Variants in ITGA9 observed in about 807,000 individuals in gnomAD.
The protein encoded by ITGA9 is integrin alpha-9.
ITGA9 carries 56 observed loss-of-function variants against 127.8 expected under a neutral mutation model. That is an observed-to-expected ratio of 0.44 (90% CI 0.35 to 0.55). The LOEUF is 0.55. Ranked by LOEUF, ITGA9 falls within the 20% of genes least tolerant of loss-of-function variation. The probability of loss-of-function intolerance (pLI) is 0.00; values close to 1 mark genes in which losing one functional copy is unlikely to be tolerated. For missense variants in ITGA9, 1,196 were observed against 1,347.1 expected (o/e 0.89, Z 1.76); for synonymous variants, 508 against 514.5 (o/e 0.99, Z 0.17).
intron 16 of ITGA9, among the ~76,000 whole-genome samples, chr3:37,637,396 T>A (rs1700290826): frequency 6.6e-6 from 1 of 152,174 alleles, no homozygotes; most frequent in Admixed American, 6.5e-5. Context: ...TTTGAAGCAA[T>A]TGTGAATGGG....
intron 15 of ITGA9, among the ~76,000 whole-genome samples, chr3:37,626,096 C>T (rs1280566304): frequency 6.6e-6 from 1 of 152,202 alleles, no homozygotes; most frequent in Non-Finnish European, 1.5e-5. Flanking sequence ...CATTTAGAAA[C>T]AGCCCTTACT....
chr3:37,794,100 G>C (rs550360332), intron 26 of ITGA9, among the ~76,000 whole-genome samples: 1 of 152,182 alleles, frequency 6.6e-6, no homozygotes, highest in African/African-American at 2.4e-5. Flanking sequence ...AGGTGTGCTC[G>C]AATCTGCTGA....
chr3:37,645,769 C>T (rs942198765), intron 16 of ITGA9, among the ~76,000 whole-genome samples: 1 of 152,124 alleles, frequency 6.6e-6, no homozygotes, highest in Non-Finnish European at 1.5e-5. Context: ...GAAACTGATC[C>T]TCCTCTGAAC....
intron 15 of ITGA9, among the ~76,000 whole-genome samples, chr3:37,616,288 T>C (rs1700073725): frequency 1.3e-5 from 2 of 152,244 alleles, no homozygotes; most frequent in Non-Finnish European, 2.9e-5. Context: ...AGTGAATTTC[T>C]TAATCCTGAG....
At chr3:37,742,889 G>C (rs1014373820) in intron 21 of ITGA9, among the ~76,000 whole-genome samples, 1 of 152,138 alleles carries the variant, frequency 6.6e-6, no homozygotes, top group Non-Finnish European at 1.5e-5. Context: ...TTTTGCCTCT[G>C]TTCACAGCTC....
chr3:37,753,748 A>G (rs1392484513), intron 23 of ITGA9: 4 of 152,106 alleles, frequency 2.6e-5, no homozygotes, highest in Admixed American at 1.3e-4. Flanking sequence ...GTAGACCTGA[A>G]CCTTCCTACC....
At chr3:37,793,574 G>A (rs1199459844) in intron 26 of ITGA9, among the ~76,000 whole-genome samples, 1 of 152,042 alleles carries the variant, frequency 6.6e-6, no homozygotes, top group African/African-American at 2.4e-5. Flanking sequence ...GGACAAGGAA[G>A]ATCAGGCATT....
intron 1 of ITGA9, among the ~76,000 whole-genome samples, chr3:37,466,119 C>CT (rs1307845965): frequency 2.6e-5 from 4 of 152,110 alleles, no homozygotes; most frequent in African/African-American, 4.8e-5. Context: ...CACCTGCACA[C>CT]TCTATGTGCC....
At position 37,478,283 on chromosome 3, in the gene ITGA9, T is replaced by G. The variant is rs1698515194; in HGVS notation, c.421-3201T>G. On this transcript the variant is annotated intron_variant, in intron 3 of 27. Coordinates refer to ENST00000264741, the MANE Select transcript of ITGA9 (RefSeq NM_002207.3). ...ATGCATGACAAAGGCTTTGGCCATC[T>G]CTATGGCAGGTGCGAATGTAGGAGG... 2.6e-5 allele frequency among the ~76,000 whole-genome samples: 4 copies of G among 152,180 alleles called. No homozygotes were observed. The South Asian group carries it at 8.3e-4, about 32-fold the overall frequency.
intron 13 of ITGA9, 27 bp downstream of exon 13, chr3:37,526,098 A>T: frequency 6.2e-7 from 1 of 1,606,618 alleles, no homozygotes; most frequent in Non-Finnish European, 8.5e-7. Context: ...TTGCTCCTTG[A>T]ATTGTGCTGT....
intron 18 of ITGA9, among the ~76,000 whole-genome samples, chr3:37,692,696 T>G (rs1013155432): frequency 6.6e-6 from 1 of 152,150 alleles, no homozygotes; most frequent in Admixed American, 6.5e-5. Flanking sequence ...TATTGACTTT[T>G]TAAAACCAAG....
intron 13 of ITGA9, among the ~76,000 whole-genome samples, chr3:37,531,419 G>A (rs570723252): frequency 6.6e-5 from 10 of 152,356 alleles, no homozygotes; most frequent in African/African-American, 2.4e-4. Context: ...AGATGTACCT[G>A]TGAAGGTCCC....
intron 17 of ITGA9, among the ~76,000 whole-genome samples, chr3:37,671,663 A>T (rs1473892169): frequency 6.6e-6 from 1 of 152,088 alleles, no homozygotes; most frequent in East Asian, 1.9e-4. Context: ...AGTTTTTCAA[A>T]CCAGAAATTC....
rs937330018 is a variant in ITGA9, at chr3:37,558,173, A to G, written c.1689+15588A>G. 2.6e-5 allele frequency among the ~76,000 whole-genome samples: 4 copies of G among 152,236 alleles called. No individual in the cohort carries two copies. In the East Asian group the frequency reaches 7.7e-4, roughly 29 times the overall value. On this transcript the variant is annotated intron_variant, in intron 15 of 27. Coordinates refer to ENST00000264741, the MANE Select transcript of ITGA9 (RefSeq NM_002207.3). ...TCCAGGGCAGGCAGGAGTCCTGGGG[A>G]CTGGAGGTTCTCTGCACTTCTGTTT...
chr3:37,679,064 C>A (rs1293376664), intron 17 of ITGA9, among the ~76,000 whole-genome samples: 1 of 151,990 alleles, frequency 6.6e-6, no homozygotes, highest in African/African-American at 2.4e-5. Flanking sequence ...TTTCAGCAGG[C>A]TATATATATG....
At chr3:37,596,024 A>G (rs529010138) in intron 15 of ITGA9, among the ~76,000 whole-genome samples, 6 of 152,354 alleles carry the variant, frequency 3.9e-5, no homozygotes, top group South Asian at 4.2e-4. Flanking sequence ...TGCTAGGAAT[A>G]CAGTGATGAG....
At chr3:37,773,828 TGAA>T (rs1310564635) in intron 23 of ITGA9, among the ~76,000 whole-genome samples, 2 of 152,198 alleles carry the variant, frequency 1.3e-5, no homozygotes, top group Non-Finnish European at 2.9e-5. Flanking sequence ...TTTGGAGAAA[TGAA>T]GAAATAATCA....
rs941222206 is a variant in ITGA9, at chr3:37,624,993, G to A, written c.1690-4194G>A. On this transcript the variant is annotated intron_variant, in intron 15 of 27. Transcript: ENST00000264741. ...CTTTTAAGATCACATAACCTGCAAA[G>A]TGCCCTGAGATCTGGTTCTGCATGA... Among the ~76,000 whole-genome samples the A allele has an allele frequency of 5.3e-5, 8 of 152,256 alleles. No individual in the cohort carries two copies. In the East Asian group the frequency reaches 1.4e-3, roughly 26 times the overall value.
intron 18 of ITGA9, among the ~76,000 whole-genome samples, chr3:37,721,787 T>C (rs1701192684): frequency 6.6e-6 from 1 of 152,226 alleles, no homozygotes; most frequent in African/African-American, 2.4e-5. Context: ...ACTTTTAGTT[T>C]ATCTGATCTG....
Sources: allele counts gnomAD v4.1 joint callset (sites outside exome capture counted in the v4.1 genomes callset), GRCh38; gene constraint gnomAD v4.1.1; transcripts MANE v1.5; gene names NCBI Gene and HGNC (gene_info 2026-07-23, HGNC 2026-07-21).